Variants in EXOC6B observed in about 807,000 individuals in gnomAD.
EXOC6B encodes SEC15 homolog B.
A neutral mutation model predicts 113.5 loss-of-function variants in EXOC6B; 54 were observed. The observed-to-expected ratio is 0.48, with a 90% CI of 0.38 to 0.60. The LOEUF is 0.60. Among genes scored for constraint, EXOC6B ranks in the 20% least tolerant of loss-of-function variants. The pLI, the probability that EXOC6B is intolerant of heterozygous loss-of-function variation, is 0.00. For missense variants in EXOC6B, 797 were observed against 977.5 expected (o/e 0.82, Z 2.46); for synonymous variants, 357 against 339.0 (o/e 1.05, Z -0.58).
chr2:72,702,070 C>T (rs551221569), intron 6 of EXOC6B, among the ~76,000 whole-genome samples: 4 of 150,898 alleles, frequency 2.7e-5, no homozygotes, highest in Admixed American at 6.6e-5. Context: ...AACCCTCCCC[C>T]CTCCCACCAC....
chr2:72,485,495 T>C (rs1699374776), intron 16 of EXOC6B, among the ~76,000 whole-genome samples: 1 of 152,154 alleles, frequency 6.6e-6, no homozygotes, highest in Non-Finnish European at 1.5e-5. Flanking sequence ...AGCTATCACA[T>C]AGACTTCAAG....
intron 20 of EXOC6B, among the ~76,000 whole-genome samples, chr2:72,273,702 T>C (rs1364120048): frequency 6.6e-6 from 1 of 152,072 alleles, no homozygotes; most frequent in African/African-American, 2.4e-5. Flanking sequence ...GGTAGAAAAT[T>C]AAACTGGAAA....
At chr2:72,635,383 G>A (rs1421423060) in intron 6 of EXOC6B, among the ~76,000 whole-genome samples, 1 of 152,096 alleles carries the variant, frequency 6.6e-6, no homozygotes, top group Non-Finnish European at 1.5e-5. Flanking sequence ...ATCACCATGG[G>A]CTGTGCAGAC....
At chr2:72,410,861 T>C (rs974745613) in intron 18 of EXOC6B, among the ~76,000 whole-genome samples, 3 of 152,210 alleles carry the variant, frequency 2.0e-5, no homozygotes, top group African/African-American at 7.2e-5. Context: ...GAGAGAATTC[T>C]AGTAGTCAAG....
intron 5 of EXOC6B, among the ~76,000 whole-genome samples, chr2:72,723,199 A>G (rs1202138871): frequency 6.6e-6 from 1 of 152,184 alleles, no homozygotes; most frequent in Non-Finnish European, 1.5e-5. Flanking sequence ...CATTATTAAA[A>G]CTGAATCAAA....
chr2:72,786,626 G>A (rs1444129438), intron 1 of EXOC6B, among the ~76,000 whole-genome samples: 1 of 152,160 alleles, frequency 6.6e-6, no homozygotes, highest in East Asian at 1.9e-4. Context: ...ACTATAAAGA[G>A]CCTATATGGT....
chr2:72,239,604 A>T (rs914991252), intron 20 of EXOC6B, among the ~76,000 whole-genome samples: 2 of 152,232 alleles, frequency 1.3e-5, no homozygotes, highest in African/African-American at 4.8e-5. Flanking sequence ...TTTTGAAATC[A>T]AGAAGTGTGA....
At chr2:72,719,405 C>A (rs1679850000) in intron 5 of EXOC6B, among the ~76,000 whole-genome samples, 1 of 152,144 alleles carries the variant, frequency 6.6e-6, no homozygotes, top group African/African-American at 2.4e-5. Context: ...AAATAAAAGA[C>A]CTACAGAAGG....
At chr2:72,447,743 T>A (rs1177857850) in intron 18 of EXOC6B, among the ~76,000 whole-genome samples, 1 of 152,220 alleles carries the variant, frequency 6.6e-6, no homozygotes, top group African/African-American at 2.4e-5. Context: ...TGGGATTTGA[T>A]GCTAAGCTGT....
Position 72,697,309 on chromosome 2 carries a change from T to A in EXOC6B, c.669+20794A>T, listed in dbSNP as rs368575820. 6.8e-4 allele frequency among the ~76,000 whole-genome samples: 104 copies of A among 152,148 alleles called. No homozygotes were observed. In the Middle Eastern group the frequency reaches 0.01, roughly 15 times the overall value. ...CACTTCCTTTGAAGAAAATTCAAAA[T>A]TTTTTAAGAAAATCTCTTAAAAATT... On this transcript the variant is annotated intron_variant, in intron 6 of 21. Coordinates refer to ENST00000272427, the MANE Select transcript of EXOC6B (RefSeq NM_015189.3).
intron 20 of EXOC6B, among the ~76,000 whole-genome samples, chr2:72,314,753 C>T (rs142450282): frequency 6.6e-6 from 1 of 152,278 alleles, no homozygotes; most frequent in East Asian, 1.9e-4. Context: ...GGTACGGTAG[C>T]TTGCTTTGTA....
intron 17 of EXOC6B, among the ~76,000 whole-genome samples, chr2:72,478,337 T>C (rs1698875611): frequency 6.6e-6 from 1 of 152,152 alleles, no homozygotes; most frequent in Non-Finnish European, 1.5e-5. Flanking sequence ...TGCAAGAAAA[T>C]ACCTTAAAGA....
At chr2:72,685,084 C>T (rs550249837) in intron 6 of EXOC6B, among the ~76,000 whole-genome samples, 1 of 152,018 alleles carries the variant, frequency 6.6e-6, no homozygotes, top group East Asian at 1.9e-4. Context: ...CTTTAAAATG[C>T]ATAAATAAGA....
At chr2:72,804,876 C>A (rs1685495294) in intron 1 of EXOC6B, among the ~76,000 whole-genome samples, 1 of 152,186 alleles carries the variant, frequency 6.6e-6, no homozygotes, top group South Asian at 2.1e-4. Context: ...GGATTACAGA[C>A]GTGAGCCACC....
At chr2:72,608,647 G>T (rs1670888360) in intron 6 of EXOC6B, among the ~76,000 whole-genome samples, 1 of 152,010 alleles carries the variant, frequency 6.6e-6, no homozygotes, top group Non-Finnish European at 1.5e-5. Flanking sequence ...TCACGTCAAA[G>T]CTGAAAGAAA....
chr2:72,185,740 C>CT (rs60868469), intron 20 of EXOC6B, among the ~76,000 whole-genome samples: 26,689 of 143,604 alleles, frequency 0.19, 3,891 homozygotes, highest in African/African-American at 0.43. Context: ...GTATTTCTTT[C>CT]TTTTTTTTTT....
At chr2:72,317,191 A>T (rs1687569924) in intron 20 of EXOC6B, among the ~76,000 whole-genome samples, 1 of 151,948 alleles carries the variant, frequency 6.6e-6, no homozygotes, top group Non-Finnish European at 1.5e-5. Context: ...GCAGAAGGGA[A>T]GAAAAGAAAG....
intron 20 of EXOC6B, among the ~76,000 whole-genome samples, chr2:72,187,378 T>C (rs1176902113): frequency 2.0e-5 from 3 of 151,980 alleles, no homozygotes; most frequent in African/African-American, 7.2e-5. Flanking sequence ...AGCCTTACCA[T>C]TCAGTGGGTC....
At chr2:72,419,618 A>G (rs983566979) in intron 18 of EXOC6B, among the ~76,000 whole-genome samples, 5 of 152,228 alleles carry the variant, frequency 3.3e-5, no homozygotes, top group African/African-American at 9.6e-5. Flanking sequence ...ACACTTTGAT[A>G]TAACAGCCCA....
Sources: allele counts gnomAD v4.1 joint callset (sites outside exome capture counted in the v4.1 genomes callset), GRCh38; gene constraint gnomAD v4.1.1; transcripts MANE v1.5; gene names NCBI Gene and HGNC (gene_info 2026-07-23, HGNC 2026-07-21).